Variants in WDR70 observed in about 807,000 individuals in gnomAD.
WDR70 encodes the protein WD repeat domain 70.
In WDR70, 53 loss-of-function variants were observed where a neutral mutation model predicts 88.6. The observed-to-expected ratio is 0.60, with a 90% CI of 0.48 to 0.75. The LOEUF (loss-of-function observed/expected upper bound fraction) is 0.75. Among genes scored for constraint, WDR70 ranks in the 30% least tolerant of loss-of-function variants. The probability of loss-of-function intolerance (pLI) is 0.00; values close to 1 mark genes in which losing one functional copy is unlikely to be tolerated. For missense variants in WDR70, 610 were observed against 823.2 expected, an observed-to-expected ratio of 0.74 and a Z score of 3.17; for synonymous variants, 280 against 270.0, an observed-to-expected ratio of 1.04 and a Z score of -0.36.
intron 9 of WDR70, among the ~76,000 whole-genome samples, chr5:37,593,140 C>T (rs1171306701): frequency 6.6e-6 from 1 of 152,140 alleles, no homozygotes; most frequent in East Asian, 1.9e-4. Context: ...GACAATAGAG[C>T]AAGACTCTGT....
intron 10 of WDR70, among the ~76,000 whole-genome samples, chr5:37,683,713 C>CT (rs1174792360): frequency 6.6e-6 from 1 of 152,192 alleles, no homozygotes; most frequent in Non-Finnish European, 1.5e-5. Context: ...GAGGTCCACT[C>CT]TTAGTTTAAT....
intron 10 of WDR70, among the ~76,000 whole-genome samples, chr5:37,611,632 T>C (rs1744194602): frequency 6.6e-6 from 1 of 152,066 alleles, no homozygotes; most frequent in Non-Finnish European, 1.5e-5. Context: ...TTGTCATCTG[T>C]TATATAATTT....
chr5:37,640,445 T>C (rs1042139324), intron 10 of WDR70, among the ~76,000 whole-genome samples: 1 of 152,196 alleles, frequency 6.6e-6, no homozygotes, highest in Non-Finnish European at 1.5e-5. Flanking sequence ...ATAGGCTATA[T>C]TGTGTGTGGT....
At chr5:37,522,494 A>AG (rs1741128580) in intron 9 of WDR70, among the ~76,000 whole-genome samples, 1 of 149,946 alleles carries the variant, frequency 6.7e-6, no homozygotes, top group Non-Finnish European at 1.5e-5. Context: ...AAAAAAAAAA[A>AG]GGTGGCAGTT....
intron 10 of WDR70, among the ~76,000 whole-genome samples, chr5:37,649,607 T>C (rs975650540): frequency 1.3e-5 from 2 of 151,698 alleles, no homozygotes; most frequent in Admixed American, 1.3e-4. Flanking sequence ...GCCTCTGGAC[T>C]ATAGATGTGA....
At chr5:37,678,818 G>T (rs527848616) in intron 10 of WDR70, among the ~76,000 whole-genome samples, 29 of 152,326 alleles carry the variant, frequency 1.9e-4, no homozygotes, top group African/African-American at 6.7e-4. Flanking sequence ...ATAATATCCT[G>T]CAGAGTGTTT....
chr5:37,647,576 C>T (rs1745273303), intron 10 of WDR70, among the ~76,000 whole-genome samples: 2 of 152,178 alleles, frequency 1.3e-5, no homozygotes, highest in Non-Finnish European at 2.9e-5. Flanking sequence ...TCACTGTAGT[C>T]ATATTTTCAT....
intron 17 of WDR70, among the ~76,000 whole-genome samples, chr5:37,730,188 T>A (rs1385689866): frequency 6.6e-6 from 1 of 152,186 alleles, no homozygotes; most frequent in African/African-American, 2.4e-5. Context: ...ATTGCTAATC[T>A]GTGATTATCC....
chr5:37,455,636 CT>C lies in WDR70; in HGVS notation c.686+12283del, dbSNP rs59254502. Among the ~76,000 whole-genome samples, 438 of 70,434 alleles carry C rather than the reference CT, an allele frequency of 6.2e-3. 8 individuals are homozygous for C. Among genetic ancestry groups the C allele is most frequent in the African/African-American group, 0.018 (397 of 21,590 alleles). 46.2% of individuals were successfully genotyped at this position (70,434 alleles called of 152,430 possible). On this transcript the variant is annotated intron_variant, in intron 7 of 17. Transcript: ENST00000265107. ...TTCTCTCGGGTCCAGTTCTCTTTAT[CT>C]TTTTTTTTTTTTTTTTTTGCCACAA...
intron 9 of WDR70, among the ~76,000 whole-genome samples, chr5:37,561,808 A>G (rs146644916): frequency 6.2e-4 from 95 of 152,374 alleles, no homozygotes; most frequent in African/African-American, 2.2e-3. Flanking sequence ...TTGATTTAAC[A>G]TAAAGATAGC....
intron 5 of WDR70, among the ~76,000 whole-genome samples, chr5:37,410,807 G>A (rs1422765375): frequency 6.6e-6 from 1 of 152,158 alleles, no homozygotes; most frequent in Non-Finnish European, 1.5e-5. Flanking sequence ...ATGGAAGTAG[G>A]TATGGAAGTG....
chr5:37,539,957 T>A (rs748554638), intron 9 of WDR70, among the ~76,000 whole-genome samples: 6 of 152,236 alleles, frequency 3.9e-5, no homozygotes, highest in Admixed American at 6.5e-5. Context: ...GTGGCATTCT[T>A]GGAGATTTCA....
chr5:37,510,086 CA>C (rs59041886), intron 8 of WDR70, among the ~76,000 whole-genome samples: 2,388 of 148,178 alleles, frequency 0.016, 52 homozygotes, highest in African/African-American at 0.055. Context: ...CTCCCCCCCC[CA>C]AAAAAAAACT....
chr5:37,649,733 C>CTTCTTTTTTTTTTT (rs1384336784), intron 10 of WDR70, among the ~76,000 whole-genome samples: 19 of 68,734 alleles, frequency 2.8e-4, no homozygotes, highest in African/African-American at 1.2e-3. Context: ...GTTATTACTT[C>CTTCTTTTTTTTTTT]TTTTTTTTTT....
intron 9 of WDR70, among the ~76,000 whole-genome samples, chr5:37,599,899 GA>G (rs57341673): frequency 0.49 from 67,847 of 137,486 alleles, 16,825 homozygotes; most frequent in Non-Finnish European, 0.6. Flanking sequence ...TCTCAAAAAA[GA>G]AAAAAAAAAA....
chr5:37,681,413 C>G (rs1318649918), intron 10 of WDR70, among the ~76,000 whole-genome samples: 1 of 152,056 alleles, frequency 6.6e-6, no homozygotes. Flanking sequence ...ATTTGGATGC[C>G]CGTTATTTCT....
chr5:37,648,455 G>A (rs567555793), intron 10 of WDR70, among the ~76,000 whole-genome samples: 4 of 152,064 alleles, frequency 2.6e-5, no homozygotes, highest in South Asian at 2.1e-4. Context: ...TGATTATCTC[G>A]ACATTGACTT....
chr5:37,608,697 A>G (rs1744103652), intron 10 of WDR70, among the ~76,000 whole-genome samples: 1 of 152,068 alleles, frequency 6.6e-6, no homozygotes, highest in Non-Finnish European at 1.5e-5. Flanking sequence ...AGCTGAGACC[A>G]CGGGCATGCG....
chr5:37,578,573 C>T (rs539413191), intron 9 of WDR70, among the ~76,000 whole-genome samples: 9 of 152,186 alleles, frequency 5.9e-5, no homozygotes, highest in East Asian at 3.9e-4. Context: ...TATTGAAAAT[C>T]GAAGCAAATT....
Sources: gnomAD v4.1 joint callset for allele counts (sites outside exome capture counted in the v4.1 genomes callset) on GRCh38, gnomAD v4.1.1 for gene constraint, MANE v1.5 for transcripts, NCBI Gene and HGNC (gene_info 2026-07-23, HGNC 2026-07-21) for gene names.